CIBAR2: variants seen among roughly 807,000 people sequenced by gnomAD.
CIBAR2 encodes CBY1-interacting BAR domain-containing protein 2.
In CIBAR2, 38 loss-of-function variants were observed where a neutral mutation model predicts 36.2. That is an observed-to-expected ratio of 1.05 (90% confidence interval 0.81 to 1.38). The LOEUF (loss-of-function observed/expected upper bound fraction) is 1.38. Among genes scored for constraint, CIBAR2 ranks in the 40% most tolerant of loss-of-function variants. The pLI, the probability that CIBAR2 is intolerant of heterozygous loss-of-function variation, is 0.00. For missense variants in CIBAR2, 481 were observed against 383.4 expected (o/e 1.25, Z -2.13); for synonymous variants, 182 against 149.5 (o/e 1.22, Z -1.58).
At chr16:85,112,229 C>G in intron 1 of CIBAR2, 104 bp downstream of exon 1, 2 of 1,023,816 alleles carry the variant, frequency 2.0e-6, no homozygotes, top group Non-Finnish European at 3.0e-6. Flanking sequence ...CCCCAACCCC[C>G]ACCCCAAGCA....
chr16:85,100,316 C>T (rs955613606), intron 7 of CIBAR2, 76 bp from the exon 8 acceptor site: 18 of 893,682 alleles, frequency 2.0e-5, no homozygotes, highest in Non-Finnish European at 2.9e-5. Context: ...GATGGAAAGA[C>T]GGTGGGGACG....
Position 85,105,393 on chromosome 16 carries a change from G to A in CIBAR2, c.471C>T (p.Ser157=). 6.2e-7 allele frequency: 1 copy of A among 1,613,786 alleles called. No homozygotes were observed. The highest frequency in any genetic ancestry group is 8.5e-7 in the Non-Finnish European group (1 of 1,179,952). The change falls in exon 6 of 9, where the codon AGC becomes AGT. Residue 157 remains serine (S), a synonymous_variant. Coordinates refer to ENST00000539556, the MANE Select transcript of CIBAR2 (RefSeq NM_198491.3). ...TCTCCTCCAGCTGGAGGGTGGTGCG[G>A]CTGGAGTCCACAGCGGCCCTCTGCA... is the stretch of plus-strand genomic sequence containing the variant. ...TRVQRAAVDS[S]RTTLQLEETV...
chr16:85,101,576 G>C (rs989620126), intron 7 of CIBAR2, among the ~76,000 whole-genome samples: 5 of 152,152 alleles, frequency 3.3e-5, no homozygotes, highest in African/African-American at 1.2e-4. Context: ...AACCAGATCA[G>C]AAGGGGATAA....
rs544539747 is a variant in CIBAR2 at position 85,107,735 on chromosome 16, C to G, written c.427-63G>C. On this transcript the variant is annotated intron_variant, in intron 4 of 8. Transcript: ENST00000539556. Reference sequence around the variant, plus strand: ...GGCAGCCCCGTTGGGGTGGTCCGCCCCCTTCACAGCCCCTGCCCAGCGGGC... The same window carrying G: ...GGCAGCCCCGTTGGGGTGGTCCGCCGCCTTCACAGCCCCTGCCCAGCGGGC... The G allele has an allele frequency of 1.6e-5, 26 of 1,603,494 alleles. No individual in the cohort carries two copies. In the South Asian group the frequency reaches 2.5e-4, roughly 16 times the overall value.
chr16:85,104,391 A>G (rs1597667089), intron 6 of CIBAR2, among the ~76,000 whole-genome samples: 1 of 152,196 alleles, frequency 6.6e-6, no homozygotes, highest in African/African-American at 2.4e-5. Flanking sequence ...CAGCCCAGCG[A>G]TGATGAATTG....
In CIBAR2 at chr16:85,098,555, T is replaced by A. The variant is rs1255517543; in HGVS notation, c.*630A>T. On this transcript the variant is annotated 3_prime_UTR_variant, in exon 9 of 9. Coordinates refer to ENST00000539556, the MANE Select transcript of CIBAR2 (RefSeq NM_198491.3). Reference sequence around the variant, plus strand: ...GCCAGCTAAGTTCTTCTGACTGTTGTGGGCAGTTCTCTCTTATGGGGTCCC... The same window carrying A: ...GCCAGCTAAGTTCTTCTGACTGTTGAGGGCAGTTCTCTCTTATGGGGTCCC... The A allele has an allele frequency of 6.1e-6, 6 of 986,018 alleles. No individual in the cohort carries two copies. In the East Asian group the frequency reaches 5.7e-4, roughly 93 times the overall value. The allele number at this position is 986,018 out of a possible 1,614,324, so 61.1% of individuals were successfully genotyped here. A position where few individuals can be genotyped will look rare whatever the true frequency, so the allele number is the denominator to read the frequency against.
In CIBAR2 at chr16:85,105,376, AGCTGGAGGGTGGTGCG is replaced by A; in HGVS notation, c.472_487del (p.Arg158TrpfsTer24). 1 of 1,613,892 alleles carries A rather than the reference AGCTGGAGGGTGGTGCG, an allele frequency of 6.2e-7. No individual in the cohort carries two copies. The highest frequency in any genetic ancestry group is 8.5e-7 in the Non-Finnish European group (1 of 1,179,970). ...CTGGAAGCCATCCACAGTCTCCTCC[AGCTGGAGGGTGGTGCG>A]GCTGGAGTCCACAGCGGCCCTCTGC... On this transcript the variant is annotated frameshift_variant, in exon 6 of 9. Transcript: ENST00000539556. LOFTEE classifies it high-confidence loss of function.
rs1343981274 is a variant in CIBAR2 at position 85,098,534 on chromosome 16, G to A, written c.*651C>T. 52 of 986,098 alleles carry A rather than the reference G, an allele frequency of 5.3e-5. No homozygotes were observed. Among genetic ancestry groups the A allele is most frequent in the Non-Finnish European group, 5.9e-5 (49 of 830,228 alleles). 61.1% of individuals were successfully genotyped at this position (986,098 alleles called of 1,614,324 possible). On this transcript the variant is annotated 3_prime_UTR_variant, in exon 9 of 9. Coordinates refer to ENST00000539556, the MANE Select transcript of CIBAR2 (RefSeq NM_198491.3). ...GAGCCCACCTGAGGATCCAAGGCCAGCTAAGTTCTTCTGACTGTTGTGGGC... is the reference window on the plus strand; with the variant it reads ...GAGCCCACCTGAGGATCCAAGGCCAACTAAGTTCTTCTGACTGTTGTGGGC...
At chr16:85,108,449 C>T (rs1009122561) in intron 2 of CIBAR2, among the ~76,000 whole-genome samples, 1 of 152,224 alleles carries the variant, frequency 6.6e-6, no homozygotes, top group African/African-American at 2.4e-5. Context: ...GGACAGGCCC[C>T]TGGTGTGTGC....
intron 8 of CIBAR2, among the ~76,000 whole-genome samples, 157 bp from the exon 9 acceptor site, chr16:85,099,503 G>A (rs955955467): frequency 2.0e-5 from 3 of 152,238 alleles, no homozygotes; most frequent in South Asian, 4.2e-4. Flanking sequence ...CTGACTGGGG[G>A]CCTCTGTTTC....
chr16:85,112,072 G>T (rs889101140), intron 1 of CIBAR2, among the ~76,000 whole-genome samples: 3 of 152,172 alleles, frequency 2.0e-5, no homozygotes, highest in African/African-American at 7.2e-5. Flanking sequence ...AAAGGAAAGG[G>T]GATGAATTTG....
chr16:85,102,159 A>T (rs1223705174), intron 7 of CIBAR2, 55 bp downstream of exon 7: 6 of 1,019,130 alleles, frequency 5.9e-6, no homozygotes, highest in Non-Finnish European at 9.1e-6. Context: ...AGACAAAACC[A>T]AAATGAAACT....
At chr16:85,112,194 C>T in intron 1 of CIBAR2, 139 bp downstream of exon 1, 2 of 715,478 alleles carry the variant, frequency 2.8e-6, no homozygotes, top group East Asian at 2.7e-5. Flanking sequence ...GGTGGAGGCA[C>T]CGTGGGAGGG....
chr16:85,103,365 A>G (rs557613278), intron 6 of CIBAR2, among the ~76,000 whole-genome samples: 1 of 152,314 alleles, frequency 6.6e-6, no homozygotes, highest in South Asian at 2.1e-4. Context: ...CACCCAGCTT[A>G]AAGTGTTGTG....
At chr16:85,102,795 C>T (rs2073965753) in intron 6 of CIBAR2, among the ~76,000 whole-genome samples, 1 of 152,200 alleles carries the variant, frequency 6.6e-6, no homozygotes, top group African/African-American at 2.4e-5. Context: ...TGTATTCCCG[C>T]CTTGTTTCCT....
intron 7 of CIBAR2, among the ~76,000 whole-genome samples, chr16:85,101,045 C>CA (rs56107645): frequency 0.15 from 19,686 of 130,068 alleles, 2,101 homozygotes; most frequent in African/African-American, 0.32. Context: ...GACTCCGTCT[C>CA]AAAAAAAAAA....
At chr16:85,101,418 C>T (rs957743945) in intron 7 of CIBAR2, among the ~76,000 whole-genome samples, 2 of 152,120 alleles carry the variant, frequency 1.3e-5, no homozygotes, top group Non-Finnish European at 2.9e-5. Context: ...CAATGGCAGC[C>T]ACATGAAGCC....
chr16:85,110,942 T>G (rs1032242350), intron 1 of CIBAR2, among the ~76,000 whole-genome samples: 2 of 151,988 alleles, frequency 1.3e-5, no homozygotes, highest in Non-Finnish European at 2.9e-5. Flanking sequence ...TGACCTCAGG[T>G]GATCTGCCTG....
chr16:85,109,363 G>T (rs1193154271), intron 2 of CIBAR2, among the ~76,000 whole-genome samples: 3 of 152,162 alleles, frequency 2.0e-5, no homozygotes, highest in African/African-American at 4.8e-5. Context: ...CTTACTGGGG[G>T]ACAGTTGTCA....
Sources: gnomAD v4.1 joint callset for allele counts (sites outside exome capture counted in the v4.1 genomes callset) on GRCh38, gnomAD v4.1.1 for gene constraint, MANE v1.5 for transcripts, NCBI Gene and HGNC (gene_info 2026-07-23, HGNC 2026-07-21) for gene names.